FAM151A: variants seen among roughly 807,000 people sequenced by gnomAD.
FAM151A encodes the protein protein FAM151A.
Under a neutral mutation model 40.4 loss-of-function variants are expected in FAM151A, and 41 were observed. The ratio of observed to expected loss-of-function variants is 1.01; its 90% CI spans 0.79 to 1.32. The LOEUF is 1.32. Ranked by LOEUF, FAM151A falls within the 40% of genes most tolerant of loss-of-function variation. The probability of loss-of-function intolerance (pLI) is 0.00; values close to 1 mark genes in which losing one functional copy is unlikely to be tolerated. For missense variants in FAM151A, 740 were observed against 740.4 expected (o/e 1.00, Z 0.01); for synonymous variants, 337 against 312.5 (o/e 1.08, Z -0.83).
At position 54,616,188 on chromosome 1, in the gene FAM151A, C is replaced by A. The variant is rs1427343515; in HGVS notation, c.263-16G>T. 5 of 1,597,304 alleles carry A rather than the reference C, an allele frequency of 3.1e-6. No individual in the cohort carries two copies. The highest frequency in any genetic ancestry group is 4.3e-6 in the Non-Finnish European group (5 of 1,171,154). On this transcript the variant is annotated splice_polypyrimidine_tract_variant and intron_variant, in intron 2 of 7. Transcript: ENST00000302250. ...GTGATGTTGCCTGTGGAAGGGGCAA[C>A]AACTCAGTGAGTTCCTTTTTTTAAA...
At chr1:54,616,764 T>A (rs961039808) in intron 2 of FAM151A, among the ~76,000 whole-genome samples, 1 of 152,212 alleles carries the variant, frequency 6.6e-6, no homozygotes, top group African/African-American at 2.4e-5. Context: ...GATCTTTTTT[T>A]ATGCATCTCT....
intron 2 of FAM151A, among the ~76,000 whole-genome samples, chr1:54,616,541 T>C (rs1270748054): frequency 6.6e-6 from 1 of 152,006 alleles, no homozygotes; most frequent in East Asian, 1.9e-4. Flanking sequence ...GCCTAGCTAA[T>C]TTTTGTATTT....
At chr1:54,622,897 A>G (rs1618859) in intron 1 of FAM151A, among the ~76,000 whole-genome samples, 83,018 of 151,638 alleles carry the variant, frequency 0.55, 23,273 homozygotes, top group East Asian at 0.77. Context: ...CTGGTTGGCC[A>G]GGCATGATGA....
Position 54,616,371 on chromosome 1 carries a change from G to GT in FAM151A, c.263-200dup, listed in dbSNP as rs879271475. ...CATTTTCTTCTATGCATAGGTTTTT[G>GT]TTTTTTTTTTGAGACGGAGTCTTGC... On this transcript the variant is annotated intron_variant, in intron 2 of 7. Coordinates refer to ENST00000302250, the MANE Select transcript of FAM151A (RefSeq NM_176782.3). 5.3e-3 allele frequency among the ~76,000 whole-genome samples: 782 copies of GT among 148,120 alleles called. 5 individuals carry two copies. Among genetic ancestry groups the GT allele is most frequent in the African/African-American group, 0.012 (472 of 40,512 alleles).
At chr1:54,615,534 C>A (rs570095782) in intron 3 of FAM151A, among the ~76,000 whole-genome samples, 94 of 151,796 alleles carry the variant, frequency 6.2e-4, no homozygotes, top group Non-Finnish European at 9.0e-4. Context: ...GAGGGAGGTC[C>A]TGGAGAGATA....
In FAM151A at chr1:54,609,435, A is replaced by T; in HGVS notation, c.1591T>A (p.Ser531Thr). Residue 531 changes from serine (S) to threonine (T), a missense_variant, in exon 8 of 8, where the codon TCC (serine) becomes ACC (threonine). Coordinates refer to ENST00000302250, the MANE Select transcript of FAM151A (RefSeq NM_176782.3). ...TAGAIGRLLA[S>T]SPRATVTVEH... ...ACTGTGACGGTGGCCCGGGGGGAGG[A>T]TGCCAGCAGCCTGCCTATGGCTCCA... 1 of 1,613,734 alleles carries T rather than the reference A, an allele frequency of 6.2e-7. No individual in the cohort carries two copies. The highest frequency in any genetic ancestry group is 1.1e-5 in the South Asian group (1 of 91,084).
Position 54,612,546 on chromosome 1 carries a change from C to A in FAM151A, c.740G>T (p.Arg247Leu), listed in dbSNP as rs760855404. 2 of 1,614,004 alleles carry A rather than the reference C, an allele frequency of 1.2e-6. No individual in the cohort carries two copies. The highest frequency in any genetic ancestry group is 1.7e-6 in the Non-Finnish European group (2 of 1,180,018). The change falls in exon 5 of 8, where the codon CGG becomes CTG. Residue 247 changes from arginine to leucine, a missense_variant. Physicochemically the swap from Arg to Leu is moderately radical, Grantham distance 102. Transcript: ENST00000302250. ...GVPQRVTFPV[R>L]SSMVRAAWPH... ...CCAGGCAGCCCGCACCATGGAAGAC[C>A]GTACAGGGAAGGTGACCCTCTGGGG...
intron 2 of FAM151A, 117 bp downstream of exon 2, chr1:54,619,747 A>G: frequency 9.3e-7 from 1 of 1,072,176 alleles, no homozygotes; most frequent in East Asian, 2.5e-5. Context: ...CTCATGCTGA[A>G]AGACATGTAA....
Position 54,609,606 on chromosome 1 carries a change from C to G in FAM151A, c.1420G>C (p.Val474Leu), listed in dbSNP as rs371266614. Residue 474 changes from valine to leucine, a missense_variant, in exon 8 of 8, where the codon GTG becomes CTG. Coordinates refer to ENST00000302250, the MANE Select transcript of FAM151A (RefSeq NM_176782.3). The part of the protein sequence containing the change: ...LTAVAEVFPH[V>L]TVAPGWPEEV... ...TCAGGCCAGCCTGGTGCCACAGTCACGTGGGGGAAGACCTCAGCCACAGCT... is the reference window on the plus strand; with the variant it reads ...TCAGGCCAGCCTGGTGCCACAGTCAGGTGGGGGAAGACCTCAGCCACAGCT... 1.2e-6 allele frequency: 2 copies of G among 1,613,176 alleles called. No homozygotes were observed. Among genetic ancestry groups the G allele is most frequent in the African/African-American group, 2.7e-5 (2 of 74,858 alleles).
At chr1:54,618,078 C>A (rs1341157359) in intron 2 of FAM151A, among the ~76,000 whole-genome samples, 1 of 152,176 alleles carries the variant, frequency 6.6e-6, no homozygotes, top group Non-Finnish European at 1.5e-5. Context: ...GCTGCTGGTC[C>A]ATGGGCCACA....
chr1:54,609,268 T>G lies in FAM151A; in HGVS notation c.1758A>C (p.Ter586CysextTer?). ...CCGCTGGCCCACCACCCCTGGGTGC[T>G]CAGTTTCTACCAACATGAGCCAGCA... Reference protein sequence around the residue: ...KDLLAHVGRN* With the variant: ...KDLLAHVGRNC The change falls in exon 8 of 8, where the codon TGA becomes TGC. Residue 586 changes from the stop codon to cysteine, a stop_lost. Transcript: ENST00000302250. 1 of 1,601,680 alleles carries G rather than the reference T, an allele frequency of 6.2e-7. No individual in the cohort carries two copies. Among genetic ancestry groups the G allele is most frequent in the Non-Finnish European group, 8.5e-7 (1 of 1,171,628 alleles).
chr1:54,609,761 C>T lies in FAM151A; in HGVS notation c.1265G>A (p.Arg422Gln), dbSNP rs758812219. 25 of 1,614,010 alleles carry T rather than the reference C, an allele frequency of 1.5e-5. No homozygotes were observed. Among genetic ancestry groups the T allele is most frequent in the African/African-American group, 4.0e-5 (3 of 74,954 alleles). ...GCGTGCCAGCAAGGCCAGGGATGGC[C>T]GGAGGGCTGCGGGCTCCGCTATTTG... ...HLQIAEPAAL[R>Q]PSLALLARLS... is the part of the protein sequence containing the mutation. The change falls in exon 8 of 8, where the codon CGG (arginine) becomes CAG (glutamine). Residue 422 changes from arginine (R) to glutamine (Q), a missense_variant. Transcript: ENST00000302250.
intron 5 of FAM151A, 149 bp downstream of exon 5, chr1:54,612,337 A>T (rs1569783136): frequency 3.3e-6 from 2 of 614,396 alleles, no homozygotes; most frequent in Non-Finnish European, 2.9e-6. Flanking sequence ...GAGGTATGCA[A>T]GCAGAAAGCA....
At position 54,617,842 on chromosome 1, in the gene FAM151A, G is replaced by A. The variant is rs576826765; in HGVS notation, c.263-1670C>T. Among the ~76,000 whole-genome samples the A allele has an allele frequency of 1.8e-3, 259 of 147,416 alleles. 3 individuals carry two copies. The highest frequency in any genetic ancestry group is 6.2e-3 in the African/African-American group (250 of 40,198). On this transcript the variant is annotated intron_variant, in intron 2 of 7. Coordinates refer to ENST00000302250, the MANE Select transcript of FAM151A (RefSeq NM_176782.3). Reference sequence around the variant, plus strand: ...GGGTTCAAGTGATTCTCCTGCCTCAGCCTCCTGAGTAGCTGGGACTACAGG... The same window carrying A: ...GGGTTCAAGTGATTCTCCTGCCTCAACCTCCTGAGTAGCTGGGACTACAGG...
chr1:54,609,545 A>G lies in FAM151A; in HGVS notation c.1481T>C (p.Leu494Pro). The G allele has an allele frequency of 6.2e-7, 1 of 1,612,850 alleles. No individual in the cohort carries two copies. Among genetic ancestry groups the G allele is most frequent in the Non-Finnish European group, 8.5e-7 (1 of 1,180,024 alleles). ...CTGGCACAACTCTAGCATATCTGTG[A>G]GCAGCTGTTCCCTGTAGCCACTGCC... ...VLGSGYREQL[L>P]TDMLELCQGL... Residue 494 changes from leucine to proline, a missense_variant, in exon 8 of 8, where the codon CTC (leucine) becomes CCC (proline). Transcript: ENST00000302250.
chr1:54,620,845 C>CA (rs767625864), intron 1 of FAM151A, among the ~76,000 whole-genome samples: 1,540 of 12,036 alleles, frequency 0.13, 298 homozygotes, highest in Non-Finnish European at 0.15. Flanking sequence ...GAGACTCTGT[C>CA]AAAAAAAAAA....
At chr1:54,610,585 T>G (rs755219392) in intron 6 of FAM151A, 30 bp from the exon 7 acceptor site, 1 of 1,602,322 alleles carries the variant, frequency 6.2e-7, no homozygotes, top group Non-Finnish European at 8.5e-7. Flanking sequence ...CAAGGTGAAG[T>G]GGCTGCCATT....
At chr1:54,612,424 TG>T in intron 5 of FAM151A, 61 bp downstream of exon 5, 1 of 1,239,122 alleles carries the variant, frequency 8.1e-7, no homozygotes, top group Non-Finnish European at 1.2e-6. Flanking sequence ...CATGAGCTTC[TG>T]GGATCTTGCT....
Position 54,609,552 on chromosome 1 carries a change from G to C in FAM151A, c.1474C>G (p.Gln492Glu), listed in dbSNP as rs1395826909. 1.2e-6 allele frequency: 2 copies of C among 1,612,570 alleles called. No individual in the cohort carries two copies. Among genetic ancestry groups the C allele is most frequent in the Admixed American group, 1.7e-5 (1 of 60,000 alleles). Residue 492 changes from glutamine (Q) to glutamate (E), a missense_variant, in exon 8 of 8, where the codon CAG becomes GAG. Coordinates refer to ENST00000302250, the MANE Select transcript of FAM151A (RefSeq NM_176782.3). ...AACTCTAGCATATCTGTGAGCAGCT[G>C]TTCCCTGTAGCCACTGCCCAGCACC... ...EEVLGSGYRE[Q>E]LLTDMLELCQ...
Sources: allele counts gnomAD v4.1 joint callset (sites outside exome capture counted in the v4.1 genomes callset), GRCh38; gene constraint gnomAD v4.1.1; transcripts MANE v1.5; gene names NCBI Gene and HGNC (gene_info 2026-07-23, HGNC 2026-07-21).